SNX10: variants seen among roughly 807,000 people sequenced by gnomAD.
SNX10 encodes the protein sorting nexin-10.
Under a neutral mutation model 28.5 loss-of-function variants are expected in SNX10, and 25 were observed. That is an observed-to-expected ratio of 0.88 (90% CI 0.64 to 1.22). The LOEUF is 1.22. Among genes scored for constraint, SNX10 ranks in the 50% most tolerant of loss-of-function variants. SNX10 has a pLI of 0.00. For missense variants in SNX10, 223 were observed against 242.6 expected, an observed-to-expected ratio of 0.92 and a Z score of 0.54; for synonymous variants, 62 against 81.4, an observed-to-expected ratio of 0.76 and a Z score of 1.28.
chr7:26,354,690 GT>G (rs68112310), intron 2 of SNX10, among the ~76,000 whole-genome samples: 13,580 of 93,082 alleles, frequency 0.15, 902 homozygotes, highest in African/African-American at 0.25. Flanking sequence ...TGATAGTTTT[GT>G]TTTTTTTTAA....
chr7:26,359,311 TA>T (rs1387818049), intron 2 of SNX10, among the ~76,000 whole-genome samples: 1 of 151,936 alleles, frequency 6.6e-6, no homozygotes, highest in African/African-American at 2.4e-5. Context: ...TTTTTTTGAT[TA>T]AAAAAAATCC....
chr7:26,346,524 G>A, intron 2 of SNX10, 58 bp downstream of exon 2: 2 of 1,340,044 alleles, frequency 1.5e-6, no homozygotes, highest in Admixed American at 1.7e-5. Context: ...ACACAGGTTA[G>A]TTCTTCATTT....
chr7:26,304,491 G>A (rs1562784183), intron 1 of SNX10, among the ~76,000 whole-genome samples: 1 of 152,186 alleles, frequency 6.6e-6, no homozygotes, highest in African/African-American at 2.4e-5. Flanking sequence ...CCTGCCATGT[G>A]TCCATAGAAA....
intron 1 of SNX10, among the ~76,000 whole-genome samples, chr7:26,294,411 A>G (rs1284350148): frequency 6.6e-6 from 1 of 152,230 alleles, no homozygotes; most frequent in Non-Finnish European, 1.5e-5. Flanking sequence ...GAAATAAAAA[A>G]GGGTGATGGT....
At chr7:26,327,070 C>A (rs11976899) in intron 1 of SNX10, among the ~76,000 whole-genome samples, 18,245 of 151,780 alleles carry the variant, frequency 0.12, 2,353 homozygotes, top group African/African-American at 0.3. Flanking sequence ...TGTGCCTCAG[C>A]CTCCAGAGTA....
chr7:26,319,585 G>T (rs903693715), intron 1 of SNX10, among the ~76,000 whole-genome samples: 28 of 152,096 alleles, frequency 1.8e-4, no homozygotes, highest in African/African-American at 6.3e-4. Flanking sequence ...AAACATATTG[G>T]TCTGGGCTTA....
intron 1 of SNX10, among the ~76,000 whole-genome samples, chr7:26,300,856 T>A (rs1219426619): frequency 6.6e-6 from 1 of 151,730 alleles, no homozygotes; most frequent in African/African-American, 2.4e-5. Flanking sequence ...CCATCTCTAC[T>A]AAAAATACAA....
At chr7:26,310,563 A>G (rs1024332189) in intron 1 of SNX10, among the ~76,000 whole-genome samples, 1 of 152,100 alleles carries the variant, frequency 6.6e-6, no homozygotes, top group Non-Finnish European at 1.5e-5. Flanking sequence ...GTGGCCTTTA[A>G]ACCAAGATCT....
chr7:26,306,634 C>T (rs1336183681), intron 1 of SNX10, among the ~76,000 whole-genome samples: 3 of 151,810 alleles, frequency 2.0e-5, no homozygotes. Flanking sequence ...CTCCTGGGCT[C>T]AAGTGATCCA....
chr7:26,305,200 CT>C (rs1786536735), intron 1 of SNX10, among the ~76,000 whole-genome samples: 1 of 152,132 alleles, frequency 6.6e-6, no homozygotes, highest in African/African-American at 2.4e-5. Context: ...ATCCCTACCC[CT>C]CACTCCATCC....
At chr7:26,369,040 A>G (rs1789403525) in intron 5 of SNX10, among the ~76,000 whole-genome samples, 1 of 152,204 alleles carries the variant, frequency 6.6e-6, no homozygotes, top group Non-Finnish European at 1.5e-5. Flanking sequence ...GTTTAGGGAA[A>G]AAAAACAGAT....
At chr7:26,367,246 G>T (rs1031511343) in intron 5 of SNX10, among the ~76,000 whole-genome samples, 7 of 152,064 alleles carry the variant, frequency 4.6e-5, no homozygotes, top group African/African-American at 1.7e-4. Flanking sequence ...GCCAGGCTGC[G>T]TGCCACGGAC....
At chr7:26,367,981 A>G (rs1320762214) in intron 5 of SNX10, among the ~76,000 whole-genome samples, 1 of 152,218 alleles carries the variant, frequency 6.6e-6, no homozygotes, top group Non-Finnish European at 1.5e-5. Flanking sequence ...GTCTTTGTAT[A>G]TGTGTATATA....
chr7:26,312,533 C>G (rs1786888192), intron 1 of SNX10, among the ~76,000 whole-genome samples: 1 of 152,066 alleles, frequency 6.6e-6, no homozygotes, highest in South Asian at 2.1e-4. Context: ...AGCCTGTAAT[C>G]CCAGCACTTT....
chr7:26,313,532 T>C (rs1786935279), intron 1 of SNX10, among the ~76,000 whole-genome samples: 1 of 152,302 alleles, frequency 6.6e-6, no homozygotes, highest in East Asian at 1.9e-4. Flanking sequence ...TTCAGAGGAA[T>C]GATATGCCTT....
chr7:26,333,465 A>G (rs2128005665), intron 1 of SNX10, among the ~76,000 whole-genome samples: 1 of 151,586 alleles, frequency 6.6e-6, no homozygotes, highest in South Asian at 2.1e-4. Context: ...CTGGGACTAC[A>G]GGTGCCCGCC....
intron 2 of SNX10, among the ~76,000 whole-genome samples, chr7:26,351,805 T>C (rs1382645602): frequency 2.0e-5 from 3 of 151,838 alleles, no homozygotes; most frequent in East Asian, 3.9e-4. Flanking sequence ...TACAGGTGCC[T>C]GCCACCACGC....
intron 1 of SNX10, among the ~76,000 whole-genome samples, chr7:26,293,501 C>T (rs772001390): frequency 2.0e-5 from 3 of 152,134 alleles, no homozygotes; most frequent in Non-Finnish European, 4.4e-5. Flanking sequence ...CCACTGCGCT[C>T]GGCCTTTTAT....
intron 1 of SNX10, among the ~76,000 whole-genome samples, chr7:26,318,679 C>A (rs750153780): frequency 6.6e-6 from 1 of 152,104 alleles, no homozygotes; most frequent in African/African-American, 2.4e-5. Flanking sequence ...GCCATGTTGC[C>A]CAGGCTGCTT....
Sources: allele counts gnomAD v4.1 joint callset (sites outside exome capture counted in the v4.1 genomes callset), GRCh38; gene constraint gnomAD v4.1.1; transcripts MANE v1.5; gene names NCBI Gene and HGNC (gene_info 2026-07-23, HGNC 2026-07-21).